SMCO4: variants seen among roughly 807,000 people sequenced by gnomAD.
SMCO4 encodes the protein single-pass membrane protein with coiled-coil domains 4, also known as single-pass membrane and coiled-coil domain-containing protein 4.
In SMCO4, 4 loss-of-function variants were observed where a neutral mutation model predicts 3.6. That is an observed-to-expected ratio of 1.11 (90% CI 0.54 to 2.53). The LOEUF (loss-of-function observed/expected upper bound fraction) is 2.53, where lower values mean the gene tolerates loss of function less well. Ranked by LOEUF, SMCO4 falls within the 30% of genes most tolerant of loss-of-function variation. SMCO4 has a pLI of 0.02. For missense variants in SMCO4, 70 were observed against 80.8 expected, an observed-to-expected ratio of 0.87 and a Z score of 0.51; for synonymous variants, 36 against 35.3, an observed-to-expected ratio of 1.02 and a Z score of -0.07.
At chr11:93,488,636 G>C (rs1948678090) in intron 2 of SMCO4, among the ~76,000 whole-genome samples, 1 of 152,142 alleles carries the variant, frequency 6.6e-6, no homozygotes, top group African/African-American at 2.4e-5. Context: ...AAGTTGCAAG[G>C]GGGTGTGAGG....
chr11:93,550,457 C>T, the SMCO4 span, among the ~76,000 whole-genome samples: 2 of 152,034 alleles, frequency 1.3e-5, no homozygotes, highest in South Asian at 2.1e-4. Context: ...CTCAGGAGTT[C>T]GAGATCAGCC....
chr11:93,480,950 C>A (rs989906136), intron 2 of SMCO4, among the ~76,000 whole-genome samples: 2 of 151,744 alleles, frequency 1.3e-5, no homozygotes, highest in African/African-American at 4.8e-5. Context: ...GGCATAATGC[C>A]AATCAAAAGC....
intron 1 of SMCO4, among the ~76,000 whole-genome samples, chr11:93,534,315 C>CAT (rs1282991191): frequency 1.8e-4 from 26 of 145,610 alleles, no homozygotes; most frequent in Non-Finnish European, 3.3e-4. Flanking sequence ...CATATATACA[C>CAT]ATATATACAC....
upstream of SMCO4, chr11:93,543,466 TGGC>T (rs1949291201): frequency 6.6e-6 from 1 of 151,060 alleles, no homozygotes; most frequent in Admixed American, 6.6e-5. Context: ...CCTAACTCGC[TGGC>T]TGCCCCCGCC....
chr11:93,548,132 A>G (rs1949326340), upstream of SMCO4, among the ~76,000 whole-genome samples: 1 of 152,200 alleles, frequency 6.6e-6, no homozygotes, highest in African/African-American at 2.4e-5. Context: ...GAAGTTCCAG[A>G]GTTATCTGCC....
chr11:93,514,422 A>ATATATATACATATAT (rs1948990819), intron 1 of SMCO4, among the ~76,000 whole-genome samples: 1 of 103,898 alleles, frequency 9.6e-6, no homozygotes, highest in African/African-American at 3.8e-5. Flanking sequence ...ATATATATAT[A>ATATATATACATATAT]AAATTTGGTC....
chr11:93,542,418 T>C (rs1457104542), intron 1 of SMCO4, among the ~76,000 whole-genome samples: 2 of 152,070 alleles, frequency 1.3e-5, no homozygotes, highest in Non-Finnish European at 2.9e-5. Context: ...CTCCCGGAGA[T>C]AGTTATGATA....
At chr11:93,481,357 C>T (rs1948590093) in intron 2 of SMCO4, 8 of 875,504 alleles carry the variant, frequency 9.1e-6, no homozygotes, top group African/African-American at 1.8e-5. Context: ...CATCTCCACC[C>T]ATACCCGTGG....
intron 2 of SMCO4, among the ~76,000 whole-genome samples, chr11:93,494,868 G>A (rs967991586): frequency 1.3e-5 from 2 of 152,074 alleles, no homozygotes; most frequent in African/African-American, 2.4e-5. Flanking sequence ...ACTGCCTTTA[G>A]AATAAAATCC....
chr11:93,530,938 C>T (rs1178463115), intron 1 of SMCO4, among the ~76,000 whole-genome samples: 2 of 152,190 alleles, frequency 1.3e-5, no homozygotes, highest in Non-Finnish European at 2.9e-5. Flanking sequence ...AACTCATGTC[C>T]ACCTGGAACC....
chr11:93,548,161 G>A (rs370702422), upstream of SMCO4, among the ~76,000 whole-genome samples: 1 of 152,214 alleles, frequency 6.6e-6, no homozygotes, highest in East Asian at 1.9e-4. Context: ...CAAATCCACA[G>A]ACAGGTTTTT....
chr11:93,488,532 C>T (rs182466387), intron 2 of SMCO4, among the ~76,000 whole-genome samples: 3 of 152,150 alleles, frequency 2.0e-5, no homozygotes, highest in Admixed American at 6.5e-5. Flanking sequence ...TACAATTTAC[C>T]GAGATTGGAA....
At chr11:93,544,954 GT>G (rs1949304181), upstream of SMCO4, among the ~76,000 whole-genome samples, 1 of 152,234 alleles carries the variant, frequency 6.6e-6, no homozygotes, top group African/African-American at 2.4e-5. Flanking sequence ...GAACACGCGT[GT>G]GTGAGGTAAG....
At chr11:93,481,888 C>CCTGG (rs1217633720) in intron 2 of SMCO4, among the ~76,000 whole-genome samples, 3 of 152,188 alleles carry the variant, frequency 2.0e-5, no homozygotes, top group East Asian at 3.9e-4. Context: ...CTAGCCATGC[C>CCTGG]CTGGCTGGCT....
At chr11:93,535,938 C>A in intron 1 of SMCO4, 9 of 1,498,296 alleles carry the variant, frequency 6.0e-6, no homozygotes, top group East Asian at 2.3e-5. Context: ...AGATTAGGGT[C>A]TTTTTGGAAA....
upstream of SMCO4, among the ~76,000 whole-genome samples, chr11:93,544,348 G>A (rs910434288): frequency 2.0e-5 from 3 of 152,170 alleles, no homozygotes; most frequent in Non-Finnish European, 4.4e-5. Context: ...CTTTATATGT[G>A]TGGTATTGTC....
intron 1 of SMCO4, among the ~76,000 whole-genome samples, chr11:93,536,503 A>G (rs775095028): frequency 1.3e-5 from 2 of 152,250 alleles, no homozygotes; most frequent in Non-Finnish European, 2.9e-5. Context: ...CATGCATGAA[A>G]AGCTCTCGAA....
chr11:93,510,539 C>T (rs898219622), intron 1 of SMCO4, among the ~76,000 whole-genome samples: 4 of 152,210 alleles, frequency 2.6e-5, no homozygotes, highest in African/African-American at 4.8e-5. Flanking sequence ...TCCCAATTGT[C>T]GAAAGCAGCC....
intron 2 of SMCO4, among the ~76,000 whole-genome samples, chr11:93,480,564 G>A (rs1400572745): frequency 1.3e-5 from 2 of 152,144 alleles, no homozygotes; most frequent in Non-Finnish European, 2.9e-5. Flanking sequence ...TATATCAAAG[G>A]CAGATGTCCA....
Sources: allele counts gnomAD v4.1 joint callset (sites outside exome capture counted in the v4.1 genomes callset), GRCh38; gene constraint gnomAD v4.1.1; transcripts MANE v1.5; gene names NCBI Gene and HGNC (gene_info 2026-07-23, HGNC 2026-07-21).